RALGPS2: variants seen among roughly 807,000 people sequenced by gnomAD.
RALGPS2 encodes the protein Ral GEF with PH domain and SH3 binding motif 2.
In RALGPS2, 43 loss-of-function variants were observed where a neutral mutation model predicts 86.8. The observed-to-expected ratio is 0.50, with a 90% CI of 0.39 to 0.64. RALGPS2 has a LOEUF of 0.64. RALGPS2 is among the 30% of genes least tolerant of loss of function. The pLI, the probability that RALGPS2 is intolerant of heterozygous loss-of-function variation, is 0.00. For synonymous variants in RALGPS2, 243 were observed against 231.3 expected, an observed-to-expected ratio of 1.05 and a Z score of -0.46; for missense variants, 536 against 694.6, an observed-to-expected ratio of 0.77 and a Z score of 2.57.
At position 178,852,765 on chromosome 1, in the gene RALGPS2, G is replaced by T. The variant is rs751357250; in HGVS notation, c.607+19215G>T. The T allele has an allele frequency of 3.7e-6, 6 of 1,613,810 alleles. No individual in the cohort carries two copies. The South Asian group carries it at 6.6e-5, about 18-fold the overall frequency. ...TCATAGAATCCCCTGCATTTCCCTG[G>T]TAAGTTCCCAGGCGCAGTCTATAGA... On this transcript the variant is annotated intron_variant, in intron 8 of 19. Transcript: ENST00000367635.
chr1:178,870,651 AG>A (rs1380782388), intron 8 of RALGPS2: 1 of 152,216 alleles, frequency 6.6e-6, no homozygotes, highest in African/African-American at 2.4e-5. Flanking sequence ...GTCTTTGTTT[AG>A]TAAAAGATTC....
At chr1:178,896,534 T>C (rs1355701944) in intron 16 of RALGPS2, among the ~76,000 whole-genome samples, 1 of 149,958 alleles carries the variant, frequency 6.7e-6, no homozygotes, top group African/African-American at 2.5e-5. Context: ...TAGTTACATA[T>C]GTATACATGT....
chr1:178,855,738 C>CT (rs1657491220), intron 8 of RALGPS2, among the ~76,000 whole-genome samples: 1 of 151,626 alleles, frequency 6.6e-6, no homozygotes, highest in Non-Finnish European at 1.5e-5. Flanking sequence ...AATTATTGTC[C>CT]TTTCAGTTCC....
At chr1:178,806,067 C>G (rs1030084054) in intron 4 of RALGPS2, among the ~76,000 whole-genome samples, 1 of 151,880 alleles carries the variant, frequency 6.6e-6, no homozygotes, top group African/African-American at 2.4e-5. Flanking sequence ...TGCTGTTAAT[C>G]AGAGGATTCC....
In RALGPS2 at chr1:178,918,258, A is replaced by G. The variant is rs1660874595; in HGVS notation, c.*1899A>G. The G allele has an allele frequency of 3.3e-5, 5 of 152,172 alleles. No homozygotes were observed. The allele number at this position is 152,172 out of a possible 1,614,324, so 9.4% of individuals were successfully genotyped here. On this transcript the variant is annotated 3_prime_UTR_variant, in exon 20 of 20. Coordinates refer to ENST00000367635, the MANE Select transcript of RALGPS2 (RefSeq NM_152663.5). ...GAAAGACATAGCCAGCAGTATTACT[A>G]CGTAGACCTTGCACATCTTACTTTT...
rs1437309828 is a variant in RALGPS2 at position 178,770,428 on chromosome 1, A to G, written c.-83-6254A>G. 2.6e-5 allele frequency among the ~76,000 whole-genome samples: 4 copies of G among 151,954 alleles called. No individual in the cohort carries two copies. In the East Asian group the frequency reaches 5.8e-4, roughly 22 times the overall value. The stretch of plus-strand genomic sequence containing the variant: ...GGGAAAAAGATGCCACATTATCTTT[A>G]TCATTCACTTTATTTTCTCTGTCAC... On this transcript the variant is annotated intron_variant, in intron 1 of 19. Coordinates refer to ENST00000367635, the MANE Select transcript of RALGPS2 (RefSeq NM_152663.5).
chr1:178,767,358 C>CTTTTT (rs1159630163), intron 1 of RALGPS2, among the ~76,000 whole-genome samples: 2 of 70,448 alleles, frequency 2.8e-5, no homozygotes, highest in African/African-American at 1.3e-4. Context: ...TGTCCTTTGG[C>CTTTTT]TTTTTTTTTT....
chr1:178,762,660 G>T (rs1384684209), intron 1 of RALGPS2, among the ~76,000 whole-genome samples: 1 of 152,152 alleles, frequency 6.6e-6, no homozygotes, highest in Non-Finnish European at 1.5e-5. Context: ...CTTTTGAGAA[G>T]TATCTGTTCA....
intron 2 of RALGPS2, 30 bp from the exon 3 acceptor site, chr1:178,784,387 TA>T (rs1364371084): frequency 2.6e-6 from 4 of 1,552,886 alleles, no homozygotes; most frequent in Non-Finnish European, 3.5e-6. Context: ...AGACAGTATG[TA>T]AAAGGCTGCA....
intron 16 of RALGPS2, 170 bp downstream of exon 16, chr1:178,894,194 C>T (rs570313240): frequency 7.8e-5 from 37 of 476,556 alleles, no homozygotes; most frequent in African/African-American, 6.1e-4. Flanking sequence ...CAAGATCCCC[C>T]GGGGATGACT....
Position 178,776,763 on chromosome 1 carries a change from G to A in RALGPS2, c.-2G>A, listed in dbSNP as rs371106281. 183 of 1,611,890 alleles carry A rather than the reference G, an allele frequency of 1.1e-4. No individual in the cohort carries two copies. The highest frequency in any genetic ancestry group is 1.5e-4 in the Non-Finnish European group (177 of 1,178,758). On this transcript the variant is annotated 5_prime_UTR_variant, in exon 2 of 20. Transcript: ENST00000367635. ...ATAAGGTCAGGGACTGATGAGGAAA[G>A]CATGGACCTAATGAACGGGCAGGCA...
At chr1:178,817,345 T>TA (rs142692953) in intron 6 of RALGPS2, among the ~76,000 whole-genome samples, 2 of 98,054 alleles carry the variant, frequency 2.0e-5, no homozygotes, top group East Asian at 6.3e-4. Context: ...TGTCTCAATT[T>TA]AAAAAAAAAA....
At chr1:178,895,334 A>ACAACC (rs1216816989) in intron 16 of RALGPS2, among the ~76,000 whole-genome samples, 5 of 152,082 alleles carry the variant, frequency 3.3e-5, no homozygotes, top group Non-Finnish European at 5.9e-5. Context: ...AGGCTAGTGA[A>ACAACC]CTCAGAATTG....
At chr1:178,840,401 A>G (rs559210909) in intron 8 of RALGPS2, among the ~76,000 whole-genome samples, 319 of 152,326 alleles carry the variant, frequency 2.1e-3, no homozygotes, top group Admixed American at 5.4e-3. Context: ...CTGAATGACT[A>G]CTGGGTACAT....
At chr1:178,739,385 G>A (rs1650897220) in intron 1 of RALGPS2, among the ~76,000 whole-genome samples, 1 of 152,200 alleles carries the variant, frequency 6.6e-6, no homozygotes, top group Non-Finnish European at 1.5e-5. Context: ...AAAACAATAT[G>A]TTGTTTTGTG....
chr1:178,793,020 G>C (rs756228341), intron 4 of RALGPS2, among the ~76,000 whole-genome samples: 8 of 151,940 alleles, frequency 5.3e-5, no homozygotes, highest in Non-Finnish European at 1.2e-4. Context: ...GTAAAATCAG[G>C]GTCCAACACA....
chr1:178,782,167 A>G (rs1483454905), intron 2 of RALGPS2, among the ~76,000 whole-genome samples: 1 of 152,216 alleles, frequency 6.6e-6, no homozygotes, highest in Non-Finnish European at 1.5e-5. Context: ...AGCAGAAGTC[A>G]GTGGAGCCAC....
chr1:178,874,951 T>C (rs749673436), intron 8 of RALGPS2, among the ~76,000 whole-genome samples: 4 of 152,212 alleles, frequency 2.6e-5, no homozygotes, highest in Non-Finnish European at 5.9e-5. Context: ...CACACAAATA[T>C]GAAATGAATA....
intron 18 of RALGPS2, among the ~76,000 whole-genome samples, chr1:178,906,340 A>G (rs933049683): frequency 6.6e-6 from 1 of 151,820 alleles, no homozygotes; most frequent in Non-Finnish European, 1.5e-5. Flanking sequence ...GTGCCACTGC[A>G]CTCCAGCCTG....
Sources: allele counts gnomAD v4.1 joint callset (sites outside exome capture counted in the v4.1 genomes callset), GRCh38; gene constraint gnomAD v4.1.1; transcripts MANE v1.5; gene names NCBI Gene and HGNC (gene_info 2026-07-23, HGNC 2026-07-21).